The following PRR16 variants were observed in gnomAD, a reference collection of about 807,000 sequenced individuals.
The protein encoded by PRR16 is protein Largen.
In PRR16, 6 loss-of-function variants were observed where a neutral mutation model predicts 18.2. That is an observed-to-expected ratio of 0.33 (90% CI 0.18 to 0.65). The LOEUF is 0.65. PRR16 is among the 30% of genes least tolerant of loss of function. PRR16 has a pLI of 0.74. For synonymous variants in PRR16, 151 were observed against 147.8 expected (o/e 1.02, Z -0.16); for missense variants, 412 against 376.6 (o/e 1.09, Z -0.78).
chr5:120,488,919 A>G (rs1745893988), intron 1 of PRR16, among the ~76,000 whole-genome samples: 1 of 152,154 alleles, frequency 6.6e-6, no homozygotes, highest in African/African-American at 2.4e-5. Flanking sequence ...CCCAGTAGTC[A>G]TTCAGGAGCA....
chr5:120,709,305 C>T, the PRR16 span, among the ~76,000 whole-genome samples: 1 of 151,958 alleles, frequency 6.6e-6, no homozygotes, highest in African/African-American at 2.4e-5. Context: ...CCGCACCCGG[C>T]CGCAATTAAG....
At chr5:120,662,263 C>T (rs1046307968) in intron 1 of PRR16, among the ~76,000 whole-genome samples, 1 of 151,992 alleles carries the variant, frequency 6.6e-6, no homozygotes, top group Non-Finnish European at 1.5e-5. Flanking sequence ...TTGTATTTTA[C>T]TCTTACCATA....
At chr5:120,687,692 T>G (rs1757162502), downstream of PRR16, among the ~76,000 whole-genome samples, 1 of 152,200 alleles carries the variant, frequency 6.6e-6, no homozygotes, top group Non-Finnish European at 1.5e-5. Flanking sequence ...TCTGAATGCT[T>G]CTGGTATCAG....
In PRR16 at chr5:120,472,563, G is replaced by C. The variant is rs538629354; in HGVS notation, c.159+7918G>C. On this transcript the variant is annotated intron_variant, in intron 1 of 1. Transcript: ENST00000407149. Reference sequence around the variant, plus strand: ...ATCTTGGGTGGGTGGGAATGACTCAGGTAAAGAGACAAAACAAGTGGTTGA... The same window carrying C: ...ATCTTGGGTGGGTGGGAATGACTCACGTAAAGAGACAAAACAAGTGGTTGA... Among the ~76,000 whole-genome samples the C allele has an allele frequency of 3.3e-5, 5 of 152,230 alleles. No homozygotes were observed. In the East Asian group the frequency reaches 5.8e-4, roughly 18 times the overall value.
intron 1 of PRR16, among the ~76,000 whole-genome samples, chr5:120,630,639 A>T (rs1345102790): frequency 6.6e-6 from 1 of 151,924 alleles, no homozygotes; most frequent in Non-Finnish European, 1.5e-5. Context: ...TTGAATAGAT[A>T]TATTTATTTT....
rs1037479250 is a variant in PRR16 at position 120,657,656 on chromosome 5, A to G, written c.160-28298A>G. Among the ~76,000 whole-genome samples, 8 of 152,054 alleles carry G rather than the reference A, an allele frequency of 5.3e-5. No individual in the cohort carries two copies. The South Asian group carries it at 1.0e-3, about 20-fold the overall frequency. On this transcript the variant is annotated intron_variant, in intron 1 of 1. Coordinates refer to ENST00000407149, the MANE Select transcript of PRR16 (RefSeq NM_001300783.2). The stretch of plus-strand genomic sequence containing the variant: ...AGCTAAACAAGTGGCTTCTCTTCAC[A>G]TAACTTATTCATCAGAGGAAGGGAA...
At chr5:120,562,297 C>G (rs1261947694) in intron 1 of PRR16, among the ~76,000 whole-genome samples, 1 of 152,052 alleles carries the variant, frequency 6.6e-6, no homozygotes. Flanking sequence ...AGTATAACCA[C>G]TCCTGGCCTT....
chr5:120,483,369 G>A (rs936568172), intron 1 of PRR16, among the ~76,000 whole-genome samples: 1 of 152,024 alleles, frequency 6.6e-6, no homozygotes, highest in African/African-American at 2.4e-5. Flanking sequence ...GTATTGTCTT[G>A]GCCAGAACTT....
chr5:120,595,304 A>G (rs1753763704), intron 1 of PRR16, among the ~76,000 whole-genome samples: 1 of 152,074 alleles, frequency 6.6e-6, no homozygotes, highest in Non-Finnish European at 1.5e-5. Flanking sequence ...ATATAGACAT[A>G]TAGAAGACAT....
intron 1 of PRR16, among the ~76,000 whole-genome samples, chr5:120,506,503 G>A (rs545559085): frequency 5.9e-5 from 9 of 152,018 alleles, no homozygotes; most frequent in Non-Finnish European, 1.0e-4. Flanking sequence ...ATTAACGGTG[G>A]CTTAAAGTTA....
intron 1 of PRR16, among the ~76,000 whole-genome samples, chr5:120,659,046 G>T (rs1173805631): frequency 6.6e-6 from 1 of 151,496 alleles, no homozygotes; most frequent in East Asian, 1.9e-4. Flanking sequence ...TTCTTTTAAG[G>T]TCTCATATGT....
downstream of PRR16, among the ~76,000 whole-genome samples, chr5:120,688,061 A>G (rs780535410): frequency 6.6e-6 from 1 of 152,208 alleles, no homozygotes; most frequent in Non-Finnish European, 1.5e-5. Flanking sequence ...TAAAGAATCC[A>G]ATGACTTTTA....
At chr5:120,605,730 A>G (rs1315464717) in intron 1 of PRR16, among the ~76,000 whole-genome samples, 6 of 152,138 alleles carry the variant, frequency 3.9e-5, no homozygotes, top group Admixed American at 1.3e-4. Context: ...TGATTGTGAT[A>G]TCAGTTGGGT....
chr5:120,608,970 C>T (rs1580782800), intron 1 of PRR16, among the ~76,000 whole-genome samples: 1 of 152,116 alleles, frequency 6.6e-6, no homozygotes, highest in Non-Finnish European at 1.5e-5. Context: ...TCTTGGTATT[C>T]TGTTAAGAAA....
intron 1 of PRR16, chr5:120,531,572 A>G (rs1751552901): frequency 6.6e-6 from 1 of 152,026 alleles, no homozygotes; most frequent in Non-Finnish European, 1.5e-5. Flanking sequence ...GGTAAGCTAC[A>G]TTTGTGGTGT....
intron 1 of PRR16, among the ~76,000 whole-genome samples, chr5:120,673,584 T>C (rs1756689621): frequency 6.6e-6 from 1 of 152,198 alleles, no homozygotes; most frequent in Admixed American, 6.5e-5. Flanking sequence ...AATTTTATAT[T>C]TAGATATGGG....
the PRR16 span, among the ~76,000 whole-genome samples, chr5:120,699,494 C>T: frequency 2.0e-5 from 3 of 151,820 alleles, no homozygotes; most frequent in Non-Finnish European, 4.4e-5. Context: ...CCAGGAACAA[C>T]GGTAATTGTG....
chr5:120,715,639 C>T, the PRR16 span, among the ~76,000 whole-genome samples: 1 of 152,080 alleles, frequency 6.6e-6, no homozygotes, highest in Admixed American at 6.6e-5. Flanking sequence ...CTATAATAGC[C>T]TGATTATCAT....
At chr5:120,542,431 T>C (rs1442787303) in intron 1 of PRR16, among the ~76,000 whole-genome samples, 2 of 152,074 alleles carry the variant, frequency 1.3e-5, no homozygotes, top group African/African-American at 4.8e-5. Flanking sequence ...TATTAACATT[T>C]TCGTTACATG....
Sources: allele counts gnomAD v4.1 joint callset (sites outside exome capture counted in the v4.1 genomes callset), GRCh38; gene constraint gnomAD v4.1.1; transcripts MANE v1.5; gene names NCBI Gene and HGNC (gene_info 2026-07-23, HGNC 2026-07-21).